Variants in VPS41 observed in about 807,000 individuals in gnomAD.
The protein encoded by VPS41 is vacuolar protein sorting-associated protein 41 homolog.
VPS41 carries 85 observed loss-of-function variants against 130.9 expected under a neutral mutation model. The ratio of observed to expected loss-of-function variants is 0.65; its 90% CI spans 0.55 to 0.78. The LOEUF (loss-of-function observed/expected upper bound fraction) is 0.78. VPS41 is among the 30% of genes least tolerant of loss of function. The pLI, the probability that VPS41 is intolerant of heterozygous loss-of-function variation, is 0.00. For synonymous variants in VPS41, 335 were observed against 332.9 expected, an observed-to-expected ratio of 1.01 and a Z score of -0.07; for missense variants, 874 against 1,018.7, an observed-to-expected ratio of 0.86 and a Z score of 1.93.
chr7:38,839,389 AT>A (rs1785560365), intron 4 of VPS41, among the ~76,000 whole-genome samples: 1 of 152,196 alleles, frequency 6.6e-6, no homozygotes, highest in Non-Finnish European at 1.5e-5. Flanking sequence ...ACAAATACTT[AT>A]TTTCTCACTG....
chr7:38,903,803 T>G (rs1011950679), intron 1 of VPS41, among the ~76,000 whole-genome samples: 1 of 152,174 alleles, frequency 6.6e-6, no homozygotes, highest in African/African-American at 2.4e-5. Flanking sequence ...ACTCAGGGAC[T>G]AGGCTGGTTG....
intron 5 of VPS41, among the ~76,000 whole-genome samples, chr7:38,822,724 C>T (rs1785199690): frequency 6.6e-6 from 1 of 152,192 alleles, no homozygotes; most frequent in Non-Finnish European, 1.5e-5. Context: ...AGGTTATGTG[C>T]ATGTTCACAT....
chr7:38,889,048 A>G (rs1442350088), intron 2 of VPS41, among the ~76,000 whole-genome samples: 1 of 152,038 alleles, frequency 6.6e-6, no homozygotes, highest in Non-Finnish European at 1.5e-5. Context: ...TGGCACTTGT[A>G]TACCTATGTA....
intron 3 of VPS41, among the ~76,000 whole-genome samples, chr7:38,868,209 C>T (rs533410100): frequency 7.2e-5 from 11 of 152,202 alleles, no homozygotes; most frequent in Admixed American, 3.9e-4. Context: ...AGAAAAGGGA[C>T]CAGAAGTTGG....
chr7:38,728,558 G>A lies in VPS41; in HGVS notation c.2388C>T (p.Ser796=), dbSNP rs750479610. The A allele has an allele frequency of 1.2e-6, 2 of 1,614,064 alleles. No individual in the cohort carries two copies. Among genetic ancestry groups the A allele is most frequent in the Non-Finnish European group, 1.7e-6 (2 of 1,180,016 alleles). ...DEENICESCL[S]PILPSDAAKP... is the part of the protein sequence containing the mutation. ...CCTTCTTACCTGATGGAAGAATAGG[G>A]GAAAGGCACGACTCACAGATGTTCT... is the stretch of plus-strand genomic sequence containing the variant. Residue 796 remains serine, a synonymous_variant, in exon 27 of 29, where the codon TCC becomes TCT. Coordinates refer to ENST00000310301, the MANE Select transcript of VPS41 (RefSeq NM_014396.4).
At position 38,817,919 on chromosome 7, in the gene VPS41, T is replaced by C. The variant is rs773540947; in HGVS notation, c.385-37A>G. 6 of 1,531,758 alleles carry C rather than the reference T, an allele frequency of 3.9e-6. No homozygotes were observed. The Admixed American group carries it at 1.0e-4, about 26-fold the overall frequency. 94.9% of individuals were successfully genotyped at this position (1,531,758 alleles called of 1,614,324 possible). A position where few individuals can be genotyped will look rare whatever the true frequency, so the allele number is the denominator to read the frequency against. On this transcript the variant is annotated intron_variant, in intron 6 of 28. Transcript: ENST00000310301. ...ACAGAACCCAACTCTGGTTTAGGAG[T>C]CATGGCCAATGCACAGAATGAAAAC...
intron 25 of VPS41, among the ~76,000 whole-genome samples, chr7:38,739,256 C>G (rs1375803130): frequency 1.3e-5 from 2 of 152,204 alleles, no homozygotes; most frequent in Admixed American, 6.5e-5. Context: ...CCCCATCACA[C>G]ACACAGTCAC....
chr7:38,733,765 CTA>C (rs1462748469), intron 25 of VPS41, among the ~76,000 whole-genome samples: 1 of 152,090 alleles, frequency 6.6e-6, no homozygotes, highest in African/African-American at 2.4e-5. Flanking sequence ...GCTTTGTAAC[CTA>C]TGTCTCTTAT....
chr7:38,895,973 T>C lies in VPS41; in HGVS notation c.60+2118A>G, dbSNP rs142314711. On this transcript the variant is annotated intron_variant, in intron 2 of 28. Transcript: ENST00000310301. ...TTTCTACCCAGTCTCCATCTGACTGTCAGCTCCAGCGTCAACTCCAGAGCC... is the reference window on the plus strand; with the variant it reads ...TTTCTACCCAGTCTCCATCTGACTGCCAGCTCCAGCGTCAACTCCAGAGCC... Among the ~76,000 whole-genome samples the C allele has an allele frequency of 3.7e-3, 561 of 152,310 alleles. 1 individual carries two copies. Among genetic ancestry groups the C allele is most frequent in the Middle Eastern group, 0.014 (4 of 292 alleles).
intron 2 of VPS41, among the ~76,000 whole-genome samples, chr7:38,879,704 C>T (rs554820233): frequency 6.6e-6 from 1 of 152,156 alleles, no homozygotes; most frequent in South Asian, 2.1e-4. Flanking sequence ...ATGCACAGAT[C>T]ACAGTAGGGT....
chr7:38,843,532 A>AT (rs1464037213), intron 4 of VPS41, among the ~76,000 whole-genome samples: 3 of 149,324 alleles, frequency 2.0e-5, no homozygotes, highest in Non-Finnish European at 4.4e-5. Flanking sequence ...AATACAAAAA[A>AT]TTAGCCGGGC....
chr7:38,808,256 A>G (rs1256433108), intron 7 of VPS41, among the ~76,000 whole-genome samples: 1 of 152,196 alleles, frequency 6.6e-6, no homozygotes, highest in Non-Finnish European at 1.5e-5. Flanking sequence ...TTTTTATTTA[A>G]GCATTATATT....
chr7:38,751,799 C>T (rs1351106727), intron 22 of VPS41, among the ~76,000 whole-genome samples: 2 of 152,200 alleles, frequency 1.3e-5, no homozygotes, highest in Non-Finnish European at 2.9e-5. Context: ...GGAGCAACTG[C>T]TTCTGGCTTA....
At chr7:38,858,716 T>C (rs1247416436) in intron 4 of VPS41, among the ~76,000 whole-genome samples, 1 of 152,208 alleles carries the variant, frequency 6.6e-6, no homozygotes, top group Non-Finnish European at 1.5e-5. Context: ...GTGATGATGC[T>C]AGTGTAAACA....
At chr7:38,901,585 A>T (rs532846532) in intron 1 of VPS41, among the ~76,000 whole-genome samples, 9 of 152,336 alleles carry the variant, frequency 5.9e-5, no homozygotes, top group African/African-American at 2.2e-4. Flanking sequence ...TATTTCAAGG[A>T]TGGGACCAAG....
At chr7:38,851,408 C>T (rs976375018) in intron 4 of VPS41, among the ~76,000 whole-genome samples, 2 of 152,174 alleles carry the variant, frequency 1.3e-5, no homozygotes, top group Admixed American at 6.5e-5. Context: ...TATATAAATG[C>T]AAATGTTATA....
At chr7:38,732,505 C>A (rs936734824) in intron 25 of VPS41, among the ~76,000 whole-genome samples, 9 of 152,026 alleles carry the variant, frequency 5.9e-5, no homozygotes, top group African/African-American at 2.2e-4. Flanking sequence ...TTATTAATTT[C>A]CATGAAAAAT....
chr7:38,737,099 G>A (rs976491001), intron 25 of VPS41, among the ~76,000 whole-genome samples: 1 of 152,154 alleles, frequency 6.6e-6, no homozygotes, highest in Non-Finnish European at 1.5e-5. Flanking sequence ...AAACAGGCCA[G>A]GCGCGGTGGC....
intron 15 of VPS41, among the ~76,000 whole-genome samples, chr7:38,767,074 T>C (rs1361305046): frequency 2.0e-5 from 3 of 152,122 alleles, no homozygotes; most frequent in Admixed American, 6.6e-5. Flanking sequence ...ATTGTGGGAA[T>C]TGGGGTTTGG....
Sources: allele counts gnomAD v4.1 joint callset (sites outside exome capture counted in the v4.1 genomes callset), GRCh38; gene constraint gnomAD v4.1.1; transcripts MANE v1.5; gene names NCBI Gene and HGNC (gene_info 2026-07-23, HGNC 2026-07-21).